CDH12: variants seen among roughly 807,000 people sequenced by gnomAD.
The protein encoded by CDH12 is cadherin 12.
Under a neutral mutation model 74.1 loss-of-function variants are expected in CDH12, and 41 were observed. The observed-to-expected ratio is 0.55, with a 90% CI of 0.43 to 0.72. The LOEUF (loss-of-function observed/expected upper bound fraction) is 0.72, where lower values mean the gene tolerates loss of function less well. Among genes scored for constraint, CDH12 ranks in the 30% least tolerant of loss-of-function variants. The pLI is 0.00. For synonymous variants in CDH12, 399 were observed against 355.0 expected, an observed-to-expected ratio of 1.12 and a Z score of -1.39; for missense variants, 945 against 977.2, an observed-to-expected ratio of 0.97 and a Z score of 0.44.
At chr5:22,538,055 C>G (rs745313933) in intron 1 of CDH12, among the ~76,000 whole-genome samples, 1 of 152,188 alleles carries the variant, frequency 6.6e-6, no homozygotes, top group Non-Finnish European at 1.5e-5. Flanking sequence ...CCACTTTCCT[C>G]CCTCAGGTTG....
intron 1 of CDH12, among the ~76,000 whole-genome samples, chr5:22,505,567 T>C (rs907864916): frequency 1.3e-5 from 2 of 152,146 alleles, no homozygotes; most frequent in Admixed American, 1.3e-4. Flanking sequence ...ACAATGTACT[T>C]ACAATGCTGC....
At chr5:22,045,718 C>T (rs1249377954) in intron 5 of CDH12, among the ~76,000 whole-genome samples, 1 of 151,790 alleles carries the variant, frequency 6.6e-6, no homozygotes, top group East Asian at 1.9e-4. Context: ...CATGATCTCA[C>T]TCATATGTGG....
chr5:22,512,622 A>C (rs1335195607), intron 1 of CDH12, among the ~76,000 whole-genome samples: 1 of 152,202 alleles, frequency 6.6e-6, no homozygotes, highest in Non-Finnish European at 1.5e-5. Flanking sequence ...AAGAAGCTGC[A>C]ACTTGGGCAT....
At chr5:22,595,436 G>T (rs1437707579) in intron 1 of CDH12, among the ~76,000 whole-genome samples, 1 of 152,112 alleles carries the variant, frequency 6.6e-6, no homozygotes, top group African/African-American at 2.4e-5. Flanking sequence ...GTCATGATAT[G>T]CCTGAGAACA....
chr5:22,344,142 T>C (rs1005495862), intron 3 of CDH12, among the ~76,000 whole-genome samples: 1 of 152,214 alleles, frequency 6.6e-6, no homozygotes, highest in East Asian at 1.9e-4. Context: ...CATCCAATAT[T>C]AATTGCCCTG....
At chr5:22,525,041 C>T (rs1016043410) in intron 1 of CDH12, among the ~76,000 whole-genome samples, 4 of 149,668 alleles carry the variant, frequency 2.7e-5, no homozygotes, top group East Asian at 4.1e-4. Context: ...TTCCCACCTA[C>T]GAGTGAGAAC....
chr5:21,862,129 GT>G (rs1303697460), intron 6 of CDH12, among the ~76,000 whole-genome samples: 1 of 151,908 alleles, frequency 6.6e-6, no homozygotes, highest in Non-Finnish European at 1.5e-5. Flanking sequence ...CTTTAGTTGT[GT>G]TTGGTAAACT....
At chr5:22,284,739 A>G (rs1452782372) in intron 3 of CDH12, among the ~76,000 whole-genome samples, 1 of 152,154 alleles carries the variant, frequency 6.6e-6, no homozygotes, top group Non-Finnish European at 1.5e-5. Context: ...GAATACCAGA[A>G]AGTGGGGATT....
intron 5 of CDH12, among the ~76,000 whole-genome samples, chr5:22,039,082 C>A (rs1347331488): frequency 6.6e-6 from 1 of 152,138 alleles, no homozygotes; most frequent in African/African-American, 2.4e-5. Flanking sequence ...GCTGCCACTG[C>A]ACCTGGACTT....
chr5:22,402,082 C>A (rs931297572), intron 3 of CDH12, among the ~76,000 whole-genome samples: 2 of 152,292 alleles, frequency 1.3e-5, no homozygotes, highest in Middle Eastern at 6.8e-3. Context: ...TTTGTTACGA[C>A]AGCCCCAGGA....
intron 1 of CDH12, among the ~76,000 whole-genome samples, chr5:22,571,900 A>C (rs1376515873): frequency 6.6e-6 from 1 of 152,204 alleles, no homozygotes; most frequent in Admixed American, 6.5e-5. Flanking sequence ...AAATCACTGA[A>C]CAGATATCAC....
At chr5:22,322,533 A>G (rs1186668155) in intron 3 of CDH12, among the ~76,000 whole-genome samples, 5 of 149,132 alleles carry the variant, frequency 3.4e-5, no homozygotes, top group African/African-American at 1.2e-4. Flanking sequence ...ATTTAAATTG[A>G]TGATGATGAT....
chr5:21,956,355 T>G (rs1756096125), intron 6 of CDH12, among the ~76,000 whole-genome samples: 1 of 151,976 alleles, frequency 6.6e-6, no homozygotes, highest in Admixed American at 6.6e-5. Flanking sequence ...AACTGGAAAT[T>G]TGACATTTAA....
intron 3 of CDH12, among the ~76,000 whole-genome samples, chr5:22,228,925 T>C (rs781363104): frequency 2.0e-5 from 3 of 152,142 alleles, no homozygotes; most frequent in African/African-American, 4.8e-5. Flanking sequence ...CCTATTCTAA[T>C]AGTTATATTA....
At chr5:22,489,981 T>C (rs1381678114) in intron 2 of CDH12, among the ~76,000 whole-genome samples, 1 of 152,130 alleles carries the variant, frequency 6.6e-6, no homozygotes, top group Non-Finnish European at 1.5e-5. Context: ...TGAAATATTG[T>C]CTTGGAAATG....
At chr5:21,986,219 T>G (rs1441358963) in intron 5 of CDH12, among the ~76,000 whole-genome samples, 1 of 152,152 alleles carries the variant, frequency 6.6e-6, no homozygotes, top group African/African-American at 2.4e-5. Context: ...AAAGAATATT[T>G]GCAATGCTCA....
Position 22,411,281 on chromosome 5 carries a change from G to T in CDH12, c.-427-5930C>A, listed in dbSNP as rs576473060. 7.3e-5 allele frequency among the ~76,000 whole-genome samples: 11 copies of T among 151,700 alleles called. No individual in the cohort carries two copies. The East Asian group carries it at 1.7e-3, about 24-fold the overall frequency. The stretch of plus-strand genomic sequence containing the variant: ...ATACCAATGGAAAACTATAATCCAG[G>T]GACTGTATAGTATTGCTAATTATTA... On this transcript the variant is annotated intron_variant, in intron 2 of 14. Coordinates refer to ENST00000382254, the MANE Select transcript of CDH12 (RefSeq NM_004061.5).
intron 1 of CDH12, among the ~76,000 whole-genome samples, chr5:22,552,951 C>A (rs1244259044): frequency 1.3e-5 from 2 of 152,064 alleles, no homozygotes; most frequent in African/African-American, 2.4e-5. Flanking sequence ...AATTAACATT[C>A]TTTTCAATAT....
intron 4 of CDH12, among the ~76,000 whole-genome samples, chr5:22,112,492 G>A (rs1019161516): frequency 2.6e-5 from 4 of 151,944 alleles, no homozygotes; most frequent in Admixed American, 1.3e-4. Flanking sequence ...CCAAACACAC[G>A]CTAATTTAAA....
Sources: allele counts gnomAD v4.1 joint callset (sites outside exome capture counted in the v4.1 genomes callset), GRCh38; gene constraint gnomAD v4.1.1; transcripts MANE v1.5; gene names NCBI Gene and HGNC (gene_info 2026-07-23, HGNC 2026-07-21).